MACROD2: variants seen among roughly 807,000 people sequenced by gnomAD.
MACROD2 encodes the protein mono-ADP ribosylhydrolase 2, also known as ADP-ribose glycohydrolase MACROD2.
MACROD2 carries 36 observed loss-of-function variants against 70.4 expected under a neutral mutation model. The observed-to-expected ratio is 0.51, with a 90% CI of 0.39 to 0.68. The LOEUF is 0.68. Ranked by LOEUF, MACROD2 falls within the 30% of genes least tolerant of loss-of-function variation. The pLI, the probability that MACROD2 is intolerant of heterozygous loss-of-function variation, is 0.00. For missense variants in MACROD2, 496 were observed against 538.4 expected, an observed-to-expected ratio of 0.92 and a Z score of 0.78; for synonymous variants, 172 against 178.8, an observed-to-expected ratio of 0.96 and a Z score of 0.30.
intron 12 of MACROD2, among the ~76,000 whole-genome samples, chr20:15,957,694 A>G (rs774350495): frequency 6.6e-6 from 1 of 152,180 alleles, no homozygotes; most frequent in Non-Finnish European, 1.5e-5. Flanking sequence ...CAAAGAAGGA[A>G]GTCTCCTCTG....
At chr20:15,510,721 A>G (rs762540381) in intron 8 of MACROD2, among the ~76,000 whole-genome samples, 4 of 152,198 alleles carry the variant, frequency 2.6e-5, no homozygotes, top group Admixed American at 6.5e-5. Context: ...TTCATGGCTC[A>G]ATGGAAAACA....
At chr20:14,801,164 G>T (rs2072570937) in intron 5 of MACROD2, among the ~76,000 whole-genome samples, 1 of 152,150 alleles carries the variant, frequency 6.6e-6, no homozygotes, top group African/African-American at 2.4e-5. Flanking sequence ...TGGGATATTT[G>T]TTTTCTTCCC....
At chr20:14,461,631 T>C (rs1052198404) in intron 3 of MACROD2, among the ~76,000 whole-genome samples, 2 of 151,970 alleles carry the variant, frequency 1.3e-5, no homozygotes, top group Non-Finnish European at 2.9e-5. Context: ...GCATTAGGTA[T>C]ATCTCCTAAT....
intron 5 of MACROD2, among the ~76,000 whole-genome samples, chr20:14,761,378 C>T (rs1001340472): frequency 2.6e-5 from 4 of 152,020 alleles, no homozygotes; most frequent in Non-Finnish European, 4.4e-5. Flanking sequence ...ATATTTGAGT[C>T]ACGATATCTA....
At chr20:15,192,014 G>GTATCTATCTATCTATC (rs71190179) in intron 5 of MACROD2, among the ~76,000 whole-genome samples, 87 of 146,484 alleles carry the variant, frequency 5.9e-4, no homozygotes, top group Non-Finnish European at 8.2e-4. Context: ...TATTAACTAT[G>GTATCTATCTATCTATC]TATCTATCTA....
In MACROD2 at chr20:14,699,491, G is replaced by C. The variant is rs547416181; in HGVS notation, c.418+14532G>C. 2.6e-5 allele frequency among the ~76,000 whole-genome samples: 4 copies of C among 152,268 alleles called. No individual in the cohort carries two copies. The South Asian group carries it at 8.3e-4, about 32-fold the overall frequency. ...GAAATCTATTTATTATTTTGTGTCA[G>C]AGCAAGCTGGGCATCTTCCTCTTTG... On this transcript the variant is annotated intron_variant, in intron 5 of 17. Transcript: ENST00000684519.
At chr20:15,999,966 A>G (rs1401694095) in intron 15 of MACROD2, among the ~76,000 whole-genome samples, 1 of 152,210 alleles carries the variant, frequency 6.6e-6, no homozygotes, top group Non-Finnish European at 1.5e-5. Flanking sequence ...AAATGATTTG[A>G]TTCATCATTG....
chr20:14,794,000 A>G (rs567856124), intron 5 of MACROD2, among the ~76,000 whole-genome samples: 1 of 152,188 alleles, frequency 6.6e-6, no homozygotes, highest in South Asian at 2.1e-4. Flanking sequence ...CCAGCTGTGA[A>G]GAGGAGGTGT....
At chr20:14,051,652 T>C (rs2053569084) in intron 2 of MACROD2, 1 of 328,552 alleles carries the variant, frequency 3.0e-6, no homozygotes, top group South Asian at 2.4e-5. Context: ...TTTTTTGGAA[T>C]GAGTCAGCAT....
intron 3 of MACROD2, among the ~76,000 whole-genome samples, chr20:14,300,931 GGTGACAGTTATAAGGAAAAGCT>G (rs779225077): frequency 2.6e-5 from 4 of 152,166 alleles, no homozygotes; most frequent in Non-Finnish European, 4.4e-5. Flanking sequence ...CCTAAAGTTA[GGTGACAGTTATAAGGAAAAGCT>G]GTGGCCGTCT....
chr20:14,181,439 A>G (rs1341916167), intron 3 of MACROD2, among the ~76,000 whole-genome samples: 1 of 152,048 alleles, frequency 6.6e-6, no homozygotes, highest in Non-Finnish European at 1.5e-5. Flanking sequence ...CATTTTGCTA[A>G]GCACTGATTA....
At chr20:14,484,864 C>CGAA (rs2084704295) in intron 3 of MACROD2, among the ~76,000 whole-genome samples, 1 of 152,128 alleles carries the variant, frequency 6.6e-6, no homozygotes, top group African/African-American at 2.4e-5. Flanking sequence ...AGGTTGCTTC[C>CGAA]AAATCTTGGC....
intron 8 of MACROD2, among the ~76,000 whole-genome samples, chr20:15,691,351 C>A (rs2146878362): frequency 6.6e-6 from 1 of 152,214 alleles, no homozygotes; most frequent in South Asian, 2.1e-4. Context: ...ACTATCCACC[C>A]ACTAATTTAT....
At chr20:14,948,841 A>G (rs2074453868) in intron 5 of MACROD2, among the ~76,000 whole-genome samples, 1 of 152,202 alleles carries the variant, frequency 6.6e-6, no homozygotes, top group African/African-American at 2.4e-5. Context: ...TGAAGCCTGG[A>G]TCATCTGAAT....
Position 15,022,404 on chromosome 20 carries a change from GT to G in MACROD2, c.419-207531del, listed in dbSNP as rs2075194975. Among the ~76,000 whole-genome samples the G allele has an allele frequency of 2.6e-5, 4 of 152,198 alleles. No individual in the cohort carries two copies. In the South Asian group the frequency reaches 8.3e-4, roughly 32 times the overall value. On this transcript the variant is annotated intron_variant, in intron 5 of 17. Transcript: ENST00000684519. The stretch of plus-strand genomic sequence containing the variant: ...ATTGTTCCCAGTAATATTATTTGAT[GT>G]TTTTATTGGTGGTAGACTTTGATTT...
At chr20:15,539,329 G>T (rs986519450) in intron 8 of MACROD2, among the ~76,000 whole-genome samples, 1 of 152,166 alleles carries the variant, frequency 6.6e-6, no homozygotes, top group Non-Finnish European at 1.5e-5. Context: ...CTGACTGTAG[G>T]AGGACACAGG....
intron 6 of MACROD2, among the ~76,000 whole-genome samples, chr20:15,294,322 C>T (rs1277209316): frequency 6.6e-6 from 1 of 152,068 alleles, no homozygotes; most frequent in Non-Finnish European, 1.5e-5. Flanking sequence ...CCCACTGCCA[C>T]CATCTTTATT....
chr20:14,669,311 C>A (rs188797369), intron 4 of MACROD2, among the ~76,000 whole-genome samples: 3 of 152,196 alleles, frequency 2.0e-5, no homozygotes, highest in Admixed American at 1.3e-4. Flanking sequence ...CTTTTGTATG[C>A]GTCAAGATTT....
chr20:15,445,167 C>T (rs2046545961), intron 7 of MACROD2, among the ~76,000 whole-genome samples: 1 of 152,166 alleles, frequency 6.6e-6, no homozygotes, highest in Non-Finnish European at 1.5e-5. Context: ...GGTCCCTTAT[C>T]ATGAGAGCCA....
Sources: gnomAD v4.1 joint callset for allele counts (sites outside exome capture counted in the v4.1 genomes callset) on GRCh38, gnomAD v4.1.1 for gene constraint, MANE v1.5 for transcripts, NCBI Gene and HGNC (gene_info 2026-07-23, HGNC 2026-07-21) for gene names.